LRRC28: variants seen among roughly 807,000 people sequenced by gnomAD.
The protein encoded by LRRC28 is leucine-rich repeat-containing protein 28.
In LRRC28, 39 loss-of-function variants were observed where a neutral mutation model predicts 45.7. The ratio of observed to expected loss-of-function variants is 0.85; its 90% CI spans 0.66 to 1.12. The LOEUF is 1.12. LRRC28 is among the 50% of genes most tolerant of loss of function. The pLI, the probability that LRRC28 is intolerant of heterozygous loss-of-function variation, is 0.00. For synonymous variants in LRRC28, 206 were observed against 178.8 expected, an observed-to-expected ratio of 1.15 and a Z score of -1.22; for missense variants, 435 against 438.5, an observed-to-expected ratio of 0.99 and a Z score of 0.07.
rs1227121090 is a variant in LRRC28 at position 99,390,645 on chromosome 15, A to G, written c.*4543A>G. ...CTCTCTCAGTTACTGCAGTTTATAG[A>G]ATAATTGAGCTTGAACCATGTGAAT... On this transcript the variant is annotated 3_prime_UTR_variant, in exon 10 of 10. Transcript: ENST00000301981. 2.0e-5 allele frequency: 3 copies of G among 152,224 alleles called. No homozygotes were observed. In the East Asian group the frequency reaches 5.8e-4, roughly 29 times the overall value. The allele number at this position is 152,224 out of a possible 1,614,324, so 9.4% of individuals were successfully genotyped here.
intron 2 of LRRC28, among the ~76,000 whole-genome samples, chr15:99,270,312 T>C (rs761203791): frequency 6.6e-6 from 1 of 152,138 alleles, no homozygotes; most frequent in Non-Finnish European, 1.5e-5. Flanking sequence ...CCTATTGAAA[T>C]GACAATAGGA....
At chr15:99,257,622 C>T in intron 2 of LRRC28, 3 of 690,268 alleles carry the variant, frequency 4.3e-6, no homozygotes, top group South Asian at 2.8e-5. Context: ...ACTCACCAGC[C>T]ACAAGCTGTG....
intron 6 of LRRC28, among the ~76,000 whole-genome samples, chr15:99,347,143 T>G (rs1384452725): frequency 6.6e-6 from 1 of 152,166 alleles, no homozygotes. Context: ...TCTGCTATTT[T>G]CCATCCTTAC....
At chr15:99,385,793 T>C (rs1957968076) in intron 9 of LRRC28, among the ~76,000 whole-genome samples, 1 of 152,002 alleles carries the variant, frequency 6.6e-6, no homozygotes, top group South Asian at 2.1e-4. Flanking sequence ...ATATATCTTC[T>C]GAACGCTGCT....
chr15:99,372,656 G>A (rs114791745), intron 9 of LRRC28, among the ~76,000 whole-genome samples: 2,497 of 152,216 alleles, frequency 0.016, 65 homozygotes, highest in African/African-American at 0.056. Flanking sequence ...CTCCACCCCC[G>A]TGAGCTTCAT....
chr15:99,304,416 A>G (rs1186689472), intron 5 of LRRC28, among the ~76,000 whole-genome samples: 2 of 151,172 alleles, frequency 1.3e-5, no homozygotes, highest in Admixed American at 1.3e-4. Flanking sequence ...CCATTCATTT[A>G]TATATATTCC....
At chr15:99,351,481 G>A (rs1365285243) in intron 6 of LRRC28, among the ~76,000 whole-genome samples, 3 of 152,118 alleles carry the variant, frequency 2.0e-5, no homozygotes, top group Admixed American at 2.0e-4. Flanking sequence ...TCCCTTTCTA[G>A]GTTCATACCC....
chr15:99,273,395 C>T (rs1036601993), intron 2 of LRRC28, among the ~76,000 whole-genome samples: 2 of 152,088 alleles, frequency 1.3e-5, no homozygotes, highest in African/African-American at 2.4e-5. Flanking sequence ...CACCACCACG[C>T]CCGGCTAATT....
chr15:99,309,809 C>G (rs1343181436), intron 5 of LRRC28, among the ~76,000 whole-genome samples: 1 of 152,196 alleles, frequency 6.6e-6, no homozygotes, highest in Non-Finnish European at 1.5e-5. Context: ...GACCAACCCT[C>G]CCTTGAGGAC....
chr15:99,381,902 A>G (rs1957838305), intron 9 of LRRC28, among the ~76,000 whole-genome samples: 1 of 152,202 alleles, frequency 6.6e-6, no homozygotes, highest in African/African-American at 2.4e-5. Context: ...GCTTCATCTC[A>G]GAGGGGTACC....
At chr15:99,285,565 T>G in intron 3 of LRRC28, 1 of 845,810 alleles carries the variant, frequency 1.2e-6, no homozygotes, top group Non-Finnish European at 1.9e-6. Flanking sequence ...TTTAGGAGAC[T>G]GACTTAGACT....
chr15:99,385,562 T>G (rs1957957908), intron 9 of LRRC28, among the ~76,000 whole-genome samples: 1 of 152,258 alleles, frequency 6.6e-6, no homozygotes, highest in East Asian at 1.9e-4. Context: ...GCAACCTATG[T>G]GTATGCGTAC....
intron 2 of LRRC28, among the ~76,000 whole-genome samples, chr15:99,274,299 A>G (rs1597203691): frequency 6.6e-6 from 1 of 152,232 alleles, no homozygotes; most frequent in South Asian, 2.1e-4. Context: ...ATACATCAGT[A>G]TGCCAGTATG....
chr15:99,331,937 TG>T (rs774872893), intron 5 of LRRC28: 1 of 152,250 alleles, frequency 6.6e-6, no homozygotes, highest in Non-Finnish European at 1.5e-5. Context: ...TAACCTTCTC[TG>T]AGCTCCTCTT....
intron 6 of LRRC28, among the ~76,000 whole-genome samples, chr15:99,341,563 G>C (rs1956513679): frequency 6.6e-6 from 1 of 152,140 alleles, no homozygotes; most frequent in African/African-American, 2.4e-5. Flanking sequence ...ACCTAGATTA[G>C]GTGAGCTTTA....
intron 6 of LRRC28, among the ~76,000 whole-genome samples, chr15:99,342,499 C>T (rs1007935506): frequency 6.6e-6 from 1 of 152,108 alleles, no homozygotes; most frequent in African/African-American, 2.4e-5. Flanking sequence ...CTTCATAGCA[C>T]GATTGTGAGA....
intron 6 of LRRC28, among the ~76,000 whole-genome samples, chr15:99,345,896 G>A (rs992128301): frequency 2.6e-5 from 4 of 152,198 alleles, no homozygotes; most frequent in Admixed American, 6.5e-5. Flanking sequence ...CACATGCCTT[G>A]TAAGTGAATA....
intron 3 of LRRC28, 42 bp from the exon 4 acceptor site, chr15:99,287,215 T>C (rs2152209190): frequency 6.6e-7 from 1 of 1,509,776 alleles, no homozygotes; most frequent in Non-Finnish European, 9.0e-7. Context: ...CTGGCAAAAG[T>C]ACTTAATGAT....
At chr15:99,361,950 G>A (rs1348124204) in intron 8 of LRRC28, among the ~76,000 whole-genome samples, 5 of 152,166 alleles carry the variant, frequency 3.3e-5, no homozygotes, top group African/African-American at 9.7e-5. Flanking sequence ...AATAGAGCAG[G>A]TTTTTGCCTT....
Sources: gnomAD v4.1 joint callset for allele counts (sites outside exome capture counted in the v4.1 genomes callset) on GRCh38, gnomAD v4.1.1 for gene constraint, MANE v1.5 for transcripts, NCBI Gene and HGNC (gene_info 2026-07-23, HGNC 2026-07-21) for gene names.